Variants in HLTF observed in about 807,000 individuals in gnomAD.
HLTF encodes DNA-dependent ATPase/E3 ubiquitin-protein ligase HLTF.
In HLTF, 127 loss-of-function variants were observed where a neutral mutation model predicts 129.4. The observed-to-expected ratio is 0.98, with a 90% CI of 0.85 to 1.14. HLTF has a LOEUF of 1.14. Among genes scored for constraint, HLTF ranks in the 50% most tolerant of loss-of-function variants. The pLI, the probability that HLTF is intolerant of heterozygous loss-of-function variation, is 0.00. For missense variants in HLTF, 1,139 were observed against 1,187.1 expected (o/e 0.96, Z 0.60); for synonymous variants, 332 against 388.8 (o/e 0.85, Z 1.72).
rs924382086 is a variant in HLTF at position 149,072,693 on chromosome 3, A to G, written c.627+532T>C. On this transcript the variant is annotated intron_variant, in intron 5 of 24. Transcript: ENST00000310053. ...TAAGCAGGGTAAATATGGTAACTACAATTAGTAGATAAAAGGACTAACACT... is the reference window on the plus strand; with the variant it reads ...TAAGCAGGGTAAATATGGTAACTACGATTAGTAGATAAAAGGACTAACACT... Among the ~76,000 whole-genome samples, 5 of 152,332 alleles carry G rather than the reference A, an allele frequency of 3.3e-5. No homozygotes were observed. In the East Asian group the frequency reaches 7.7e-4, roughly 23 times the overall value.
At chr3:149,075,509 A>C (rs1235926981) in intron 3 of HLTF, among the ~76,000 whole-genome samples, 1 of 152,252 alleles carries the variant, frequency 6.6e-6, no homozygotes, top group Non-Finnish European at 1.5e-5. Flanking sequence ...ACACAACTGC[A>C]CTGCAGCCTG....
intron 2 of HLTF, among the ~76,000 whole-genome samples, chr3:149,078,524 T>C (rs1321856618): frequency 6.6e-6 from 1 of 152,118 alleles, no homozygotes; most frequent in Non-Finnish European, 1.5e-5. Flanking sequence ...CACTCCAGCC[T>C]GGGTAATAGA....
intron 10 of HLTF, among the ~76,000 whole-genome samples, chr3:149,061,665 G>A (rs1025828427): frequency 3.3e-5 from 5 of 151,114 alleles, no homozygotes; most frequent in African/African-American, 7.3e-5. Flanking sequence ...GTGAAACCCC[G>A]TTTCTACTAA....
Position 149,039,115 on chromosome 3 carries a change from C to G in HLTF, c.2730G>C (p.Leu910=), listed in dbSNP as rs763567216. The part of the protein sequence containing the change: ...TEAGSPTIML[L]SLKAGGVGLN... ...AACCAACTCCACCTGCTTTTAAGGA[C>G]AGAAGCATTATAGTTGGAGATCCTG... The change falls in exon 23 of 25, where the codon CTG becomes CTC. Residue 910 remains leucine, a synonymous_variant. Transcript: ENST00000310053. The G allele has an allele frequency of 1.2e-6, 2 of 1,611,884 alleles. No individual in the cohort carries two copies. The highest frequency in any genetic ancestry group is 3.3e-5 in the Admixed American group (2 of 59,708).
intron 24 of HLTF, among the ~76,000 whole-genome samples, chr3:149,034,157 TA>T (rs1396491268): frequency 4.6e-5 from 7 of 152,148 alleles, no homozygotes; most frequent in African/African-American, 1.7e-4. Flanking sequence ...CACAGAAGCA[TA>T]AATTAACAAT....
At chr3:149,034,530 G>T (rs897906216) in intron 24 of HLTF, among the ~76,000 whole-genome samples, 9 of 152,106 alleles carry the variant, frequency 5.9e-5, no homozygotes, top group African/African-American at 1.9e-4. Context: ...ACAACAACAT[G>T]AATGTACTTA....
At chr3:149,036,478 G>A (rs1393270312) in intron 23 of HLTF, among the ~76,000 whole-genome samples, 1 of 151,722 alleles carries the variant, frequency 6.6e-6, no homozygotes, top group Non-Finnish European at 1.5e-5. Flanking sequence ...TAGTAGAGAC[G>A]GGGTTTCACC....
chr3:149,032,395 TAAGTA>T, intron 24 of HLTF, 23 bp from the exon 25 acceptor site: 1 of 1,385,694 alleles, frequency 7.2e-7, no homozygotes, highest in Non-Finnish European at 9.7e-7. Flanking sequence ...AAAAAAAAGT[TAAGTA>T]GTTTTTAAGG....
At chr3:149,034,557 T>C (rs1715406864) in intron 24 of HLTF, among the ~76,000 whole-genome samples, 1 of 152,204 alleles carries the variant, frequency 6.6e-6, no homozygotes, top group South Asian at 2.1e-4. Flanking sequence ...CTAAACTGTA[T>C]ACTTCAAAAT....
At position 149,039,136 on chromosome 3, in the gene HLTF, T is replaced by A; in HGVS notation, c.2709A>T (p.Gly903=). ...SIQCFQNTEA[G]SPTIMLLSLK... is the part of the protein sequence containing the mutation. ...AGGACAGAAGCATTATAGTTGGAGATCCTGCTTCAGTGTTTTGAAAACACT... is the reference window on the plus strand; with the variant it reads ...AGGACAGAAGCATTATAGTTGGAGAACCTGCTTCAGTGTTTTGAAAACACT... The change falls in exon 23 of 25, where the codon GGA becomes GGT. Residue 903 remains glycine (G), a synonymous_variant. Transcript: ENST00000310053. The A allele has an allele frequency of 6.2e-7, 1 of 1,612,850 alleles. No individual in the cohort carries two copies.
At chr3:149,075,400 T>C (rs1167151219) in intron 3 of HLTF, among the ~76,000 whole-genome samples, 2 of 152,102 alleles carry the variant, frequency 1.3e-5, no homozygotes, top group East Asian at 3.9e-4. Context: ...AATACAAAAA[T>C]TAATTGGGCA....
chr3:149,035,912 G>A (rs1357874564), intron 23 of HLTF, among the ~76,000 whole-genome samples: 1 of 151,864 alleles, frequency 6.6e-6, no homozygotes, highest in East Asian at 2.0e-4. Context: ...GAGGCAGGCA[G>A]ATCACGAGTT....
chr3:149,042,195 G>GT lies in HLTF; in HGVS notation c.2167dup (p.Thr723AsnfsTer13). On this transcript the variant is annotated frameshift_variant, in exon 19 of 25. Coordinates refer to ENST00000310053, the MANE Select transcript of HLTF (RefSeq NM_003071.4). LOFTEE classifies it high-confidence loss of function. ...GGGGCCATTGGAAGACACTGCATTT[G>GT]TAAGAAGGTAAGTATGGCAACAAAT... The GT allele has an allele frequency of 6.2e-7, 1 of 1,613,170 alleles. No individual in the cohort carries two copies. Among genetic ancestry groups the GT allele is most frequent in the Non-Finnish European group, 8.5e-7 (1 of 1,179,264 alleles).
At chr3:149,070,097 T>C (rs1718721681) in intron 7 of HLTF, among the ~76,000 whole-genome samples, 3 of 152,190 alleles carry the variant, frequency 2.0e-5, no homozygotes, top group Admixed American at 2.0e-4. Flanking sequence ...CAAAACAGGG[T>C]ATAAAAAGCT....
At chr3:149,060,001 G>T (rs142806707) in intron 12 of HLTF, among the ~76,000 whole-genome samples, 194 bp from the exon 13 acceptor site, 1 of 152,146 alleles carries the variant, frequency 6.6e-6, no homozygotes, top group East Asian at 1.9e-4. Flanking sequence ...TCAGAGAAAC[G>T]ATGTAGTCAT....
rs201163851 is a variant in HLTF, at chr3:149,075,922, A to T, written c.354T>A (p.Ala118=). 2.5e-6 allele frequency: 4 copies of T among 1,608,348 alleles called. No homozygotes were observed. ...VGHLKKELAG[A]LAYIMDNKLA... ...ATTTGTTGTCCATGATATAGGCCAA[A>T]GCACCTGCAAGCTCTTTCTTTAAAT... The change falls in exon 3 of 25, where the codon GCT becomes GCA. Residue 118 remains alanine (A), a synonymous_variant. Coordinates refer to ENST00000310053, the MANE Select transcript of HLTF (RefSeq NM_003071.4).
rs1719157328 is a variant in HLTF, at chr3:149,074,419, A to G, written c.396-71T>C. The G allele has an allele frequency of 2.8e-6, 4 of 1,404,190 alleles. No individual in the cohort carries two copies. The Admixed American group carries it at 8.4e-5, about 29-fold the overall frequency. 87.0% of individuals were successfully genotyped at this position (1,404,190 alleles called of 1,614,324 possible). The stretch of plus-strand genomic sequence containing the variant: ...TTTTATCCCCACTAAGAATTAGTTC[A>G]ATATTTTAAGTGTATCATTTACATT... On this transcript the variant is annotated intron_variant, in intron 3 of 24. Transcript: ENST00000310053.
At chr3:149,034,596 A>C (rs1715410453) in intron 24 of HLTF, among the ~76,000 whole-genome samples, 1 of 152,180 alleles carries the variant, frequency 6.6e-6, no homozygotes, top group East Asian at 1.9e-4. Flanking sequence ...CCACTATTTA[A>C]AAAAAGTGTT....
chr3:149,064,764 T>C (rs987190410), intron 9 of HLTF, 27 bp downstream of exon 9: 2 of 1,324,298 alleles, frequency 1.5e-6, no homozygotes, highest in Non-Finnish European at 2.2e-6. Context: ...AGATCAAATA[T>C]TGGATCATTT....
Sources: gnomAD v4.1 joint callset for allele counts (sites outside exome capture counted in the v4.1 genomes callset) on GRCh38, gnomAD v4.1.1 for gene constraint, MANE v1.5 for transcripts, NCBI Gene and HGNC (gene_info 2026-07-23, HGNC 2026-07-21) for gene names.